SLC41A3: variants seen among roughly 807,000 people sequenced by gnomAD.
SLC41A3 encodes the protein SLC41A1-like 2.
A neutral mutation model predicts 45.4 loss-of-function variants in SLC41A3; 44 were observed. That is an observed-to-expected ratio of 0.97 (90% confidence interval 0.76 to 1.25). The LOEUF (loss-of-function observed/expected upper bound fraction) is 1.25. Ranked by LOEUF, SLC41A3 falls within the 50% of genes most tolerant of loss-of-function variation. The pLI, the probability that SLC41A3 is intolerant of heterozygous loss-of-function variation, is 0.00. For missense variants in SLC41A3, 550 were observed against 600.6 expected (o/e 0.92, Z 0.88); for synonymous variants, 256 against 252.4 (o/e 1.01, Z -0.13).
Position 126,046,348 on chromosome 3 carries a change from C to G in SLC41A3, c.381+4595G>C, listed in dbSNP as rs567881953. On this transcript the variant is annotated intron_variant, in intron 3 of 10. Transcript: ENST00000360370. ...AATGTAATCTTATATGCTGAAAACT[C>G]TAAAGATTACACACACACACACACA... Among the ~76,000 whole-genome samples, 775 of 95,016 alleles carry G rather than the reference C, an allele frequency of 8.2e-3. 33 individuals are homozygous for G. The Admixed American group carries it at 0.085, about 10-fold the overall frequency. 62.3% of individuals were successfully genotyped at this position (95,016 alleles called of 152,430 possible). A position where few individuals can be genotyped will look rare whatever the true frequency, so the allele number is the denominator to read the frequency against.
chr3:126,008,260 C>A (rs547613400), intron 10 of SLC41A3, among the ~76,000 whole-genome samples: 5 of 152,354 alleles, frequency 3.3e-5, no homozygotes, highest in East Asian at 1.9e-4. Flanking sequence ...CAGTGCAGTA[C>A]GTAGCGTAAG....
At chr3:126,025,202 T>C (rs1425897635) in intron 5 of SLC41A3, 1 of 152,334 alleles carries the variant, frequency 6.6e-6, no homozygotes, top group East Asian at 1.9e-4. Flanking sequence ...GAATCACCAA[T>C]GGACAACCAT....
At chr3:126,011,555 C>A (rs1373934756) in intron 9 of SLC41A3, among the ~76,000 whole-genome samples, 1 of 152,104 alleles carries the variant, frequency 6.6e-6, no homozygotes, top group Non-Finnish European at 1.5e-5. Flanking sequence ...TCCGATTTGA[C>A]AAAAGATATA....
chr3:126,067,094 CCCCCCCG>C lies in SLC41A3; in HGVS notation c.273+846_273+852del, dbSNP rs1553743032. 7.9e-5 allele frequency among the ~76,000 whole-genome samples: 10 copies of C among 126,204 alleles called. 1 individual carries two copies. The highest frequency in any genetic ancestry group is 4.0e-4 in the Admixed American group (5 of 12,628). The allele number at this position is 126,204 out of a possible 152,430, so 82.8% of individuals were successfully genotyped here. A position where few individuals can be genotyped will look rare whatever the true frequency, so the allele number is the denominator to read the frequency against. ...GGGTCAGGGTCTGTGGGTTGGACCGCCCCCCCGCCCCCCGCCCCGGCCACCGCACCAC... is the reference window on the plus strand; with the variant it reads ...GGGTCAGGGTCTGTGGGTTGGACCGCCCCCCCGCCCCGGCCACCGCACCAC... On this transcript the variant is annotated intron_variant, in intron 2 of 10. Coordinates refer to ENST00000360370, the MANE Select transcript of SLC41A3 (RefSeq NM_017836.4).
intron 3 of SLC41A3, among the ~76,000 whole-genome samples, chr3:126,046,427 CAACA>C (rs1230539242): frequency 2.0e-5 from 3 of 151,032 alleles, no homozygotes; most frequent in Admixed American, 2.0e-4. Flanking sequence ...GATACAAAAT[CAACA>C]AACAAAAATC....
intron 10 of SLC41A3, 101 bp downstream of exon 10, chr3:126,008,631 C>G (rs1939379369): frequency 6.5e-7 from 1 of 1,537,052 alleles, no homozygotes; most frequent in Non-Finnish European, 8.9e-7. Flanking sequence ...ACACGTCCAG[C>G]CACCCCCACC....
At chr3:126,053,382 C>T (rs577241278) in intron 2 of SLC41A3, among the ~76,000 whole-genome samples, 3 of 152,230 alleles carry the variant, frequency 2.0e-5, no homozygotes, top group South Asian at 2.1e-4. Flanking sequence ...TCTGGAACTG[C>T]GGAAAAAAAT....
At chr3:126,076,085 G>A (rs926665821) in intron 1 of SLC41A3, among the ~76,000 whole-genome samples, 2 of 152,198 alleles carry the variant, frequency 1.3e-5, no homozygotes, top group Non-Finnish European at 2.9e-5. Flanking sequence ...TATATCTAAT[G>A]AGGGTTTAGT....
intron 3 of SLC41A3, among the ~76,000 whole-genome samples, chr3:126,043,970 T>C (rs6792095): frequency 0.99 from 151,118 of 152,270 alleles, 74,998 homozygotes; most frequent in Middle Eastern, 1. Flanking sequence ...GTTAAATCCC[T>C]CAATCAAAAT....
intron 1 of SLC41A3, among the ~76,000 whole-genome samples, chr3:126,069,350 T>C (rs1944507617): frequency 6.6e-6 from 1 of 152,114 alleles, no homozygotes; most frequent in African/African-American, 2.4e-5. Context: ...ATTCCCTGCA[T>C]GGAGTTCCAG....
At chr3:126,051,953 G>A (rs1358925215) in intron 2 of SLC41A3, among the ~76,000 whole-genome samples, 2 of 152,090 alleles carry the variant, frequency 1.3e-5, no homozygotes, top group Non-Finnish European at 2.9e-5. Flanking sequence ...AGCCCCTAGG[G>A]ACTTGGACAG....
intron 3 of SLC41A3, among the ~76,000 whole-genome samples, chr3:126,048,018 C>T (rs562888769): frequency 2.0e-5 from 3 of 152,212 alleles, no homozygotes; most frequent in Admixed American, 6.5e-5. Flanking sequence ...TAAGGAACTA[C>T]GACTCAACAA....
intron 2 of SLC41A3, among the ~76,000 whole-genome samples, chr3:126,066,917 C>G (rs964480361): frequency 1.3e-5 from 2 of 152,178 alleles, no homozygotes; most frequent in African/African-American, 2.4e-5. Flanking sequence ...TGTGTTGACT[C>G]AAAGCCTTTG....
chr3:126,011,471 G>C (rs564909789), intron 9 of SLC41A3, among the ~76,000 whole-genome samples: 1 of 152,222 alleles, frequency 6.6e-6, no homozygotes, highest in Admixed American at 6.5e-5. Context: ...GGCTGTAACA[G>C]AGGATCTAAC....
intron 4 of SLC41A3, among the ~76,000 whole-genome samples, chr3:126,029,141 C>T (rs1231062142): frequency 6.6e-6 from 1 of 152,164 alleles, no homozygotes; most frequent in Non-Finnish European, 1.5e-5. Flanking sequence ...TTATATTTTG[C>T]AATGTGAGAA....
At chr3:126,080,844 G>A (rs1193206474) in intron 1 of SLC41A3, among the ~76,000 whole-genome samples, 4 of 152,146 alleles carry the variant, frequency 2.6e-5, no homozygotes, top group Admixed American at 1.3e-4. Context: ...CCAGCTACTT[G>A]GGAGGCTGAG....
At chr3:126,084,966 TAC>T (rs1945344261), upstream of SLC41A3, among the ~76,000 whole-genome samples, 1 of 152,220 alleles carries the variant, frequency 6.6e-6, no homozygotes, top group African/African-American at 2.4e-5. Flanking sequence ...AGAAACATTT[TAC>T]AGCCTCTTCT....
At chr3:126,094,093 G>T (rs552575878) in intron 1 of SLC41A3, among the ~76,000 whole-genome samples, 17 of 152,316 alleles carry the variant, frequency 1.1e-4, no homozygotes, top group African/African-American at 4.1e-4. Context: ...ATTTATAGGG[G>T]AGAGATTTAT....
At chr3:126,056,531 G>A in intron 2 of SLC41A3, 1 of 1,613,982 alleles carries the variant, frequency 6.2e-7, no homozygotes, top group Non-Finnish European at 8.5e-7. Context: ...CAAAACTCCA[G>A]ATTCAGCTGG....
Sources: allele counts gnomAD v4.1 joint callset (sites outside exome capture counted in the v4.1 genomes callset), GRCh38; gene constraint gnomAD v4.1.1; transcripts MANE v1.5; gene names NCBI Gene and HGNC (gene_info 2026-07-23, HGNC 2026-07-21).